CDH13: variants seen among roughly 807,000 people sequenced by gnomAD.
CDH13 encodes cadherin-13.
Under a neutral mutation model 63.8 loss-of-function variants are expected in CDH13, and 24 were observed. That is an observed-to-expected ratio of 0.38 (90% CI 0.27 to 0.53). CDH13 has a LOEUF of 0.53. CDH13 is among the 20% of genes least tolerant of loss of function. The probability of loss-of-function intolerance (pLI) is 0.85; values close to 1 mark genes in which losing one functional copy is unlikely to be tolerated. For synonymous variants in CDH13, 503 were observed against 355.3 expected (o/e 1.42, Z -4.67); for missense variants, 1,049 against 903.1 (o/e 1.16, Z -2.07).
intron 1 of CDH13, among the ~76,000 whole-genome samples, chr16:82,850,022 C>G (rs988671057): frequency 2.0e-5 from 3 of 152,200 alleles, no homozygotes; most frequent in Non-Finnish European, 4.4e-5. Context: ...GTTGTTTTCA[C>G]ACCTGCTAAT....
chr16:82,669,642 A>G (rs1913002027), intron 1 of CDH13, among the ~76,000 whole-genome samples: 1 of 152,268 alleles, frequency 6.6e-6, no homozygotes, highest in Admixed American at 6.5e-5. Context: ...ATGTAAAGCC[A>G]TCCCAATTAA....
At chr16:82,724,568 A>G (rs139837878) in intron 1 of CDH13, among the ~76,000 whole-genome samples, 3 of 152,340 alleles carry the variant, frequency 2.0e-5, no homozygotes, top group African/African-American at 4.8e-5. Flanking sequence ...GATGCCCTCA[A>G]ATGCCATGTC....
intron 1 of CDH13, among the ~76,000 whole-genome samples, chr16:82,726,569 C>G (rs1466463759): frequency 6.6e-6 from 1 of 152,182 alleles, no homozygotes; most frequent in Non-Finnish European, 1.5e-5. Context: ...CAGTCTGCAT[C>G]TGTTGCAGCT....
Position 83,479,912 on chromosome 16 carries a change from G to C in CDH13, c.782-6565G>C, listed in dbSNP as rs1007108919. On this transcript the variant is annotated intron_variant, in intron 6 of 13. Transcript: ENST00000567109. ...TTGTGATGGAGTGAGAGGGTGTCAA[G>C]TCGAATAAATGTCTGAAAATATTCT... Among the ~76,000 whole-genome samples, 9 of 152,164 alleles carry C rather than the reference G, an allele frequency of 5.9e-5. 1 individual carries two copies. Among genetic ancestry groups the C allele is most frequent in the African/African-American group, 2.2e-4 (9 of 41,422 alleles).
chr16:83,210,871 C>T (rs987986560), intron 4 of CDH13, among the ~76,000 whole-genome samples: 6 of 151,412 alleles, frequency 4.0e-5, no homozygotes, highest in Admixed American at 1.3e-4. Context: ...TACTAGAGGC[C>T]GGGCGTGGTG....
intron 2 of CDH13, among the ~76,000 whole-genome samples, chr16:82,921,591 T>A (rs1210417240): frequency 1.3e-5 from 2 of 152,224 alleles, no homozygotes; most frequent in African/African-American, 2.4e-5. Context: ...GGGCTCAGGA[T>A]CTGACATCTT....
Position 83,129,144 on chromosome 16 carries a change from G to A in CDH13, c.483+3643G>A, listed in dbSNP as rs533089793. ...GCTCTGCAGAGCTGTGGAAGAGGAC[G>A]TAGGTGTTTTCAGTGAGTGCTGGGG... On this transcript the variant is annotated intron_variant, in intron 4 of 13. Coordinates refer to ENST00000567109, the MANE Select transcript of CDH13 (RefSeq NM_001257.5). Among the ~76,000 whole-genome samples, 301 of 152,260 alleles carry A rather than the reference G, an allele frequency of 2.0e-3. 1 individual carries two copies. The highest frequency in any genetic ancestry group is 7.1e-3 in the African/African-American group (294 of 41,548).
At chr16:83,316,847 A>G (rs951105662) in intron 5 of CDH13, among the ~76,000 whole-genome samples, 2 of 151,098 alleles carry the variant, frequency 1.3e-5, no homozygotes, top group African/African-American at 2.4e-5. Context: ...TGTCTTCCAC[A>G]TGTATGTTGA....
At chr16:83,328,059 G>A (rs1233095765) in intron 5 of CDH13, among the ~76,000 whole-genome samples, 2 of 151,720 alleles carry the variant, frequency 1.3e-5, no homozygotes, top group Non-Finnish European at 2.9e-5. Flanking sequence ...CGTGGACCCA[G>A]GAGGCGGAGC....
intron 5 of CDH13, among the ~76,000 whole-genome samples, chr16:83,306,427 G>A (rs2089880442): frequency 6.6e-6 from 1 of 152,086 alleles, no homozygotes; most frequent in African/African-American, 2.4e-5. Context: ...TCATTCTTGT[G>A]GGGATGGATT....
chr16:83,514,312 G>C (rs1382961970), intron 7 of CDH13, among the ~76,000 whole-genome samples: 1 of 152,150 alleles, frequency 6.6e-6, no homozygotes, highest in East Asian at 1.9e-4. Context: ...GCTGGATTAG[G>C]GTAGGCCCTA....
At chr16:83,046,989 C>T (rs1917848499) in intron 3 of CDH13, among the ~76,000 whole-genome samples, 1 of 152,230 alleles carries the variant, frequency 6.6e-6, no homozygotes, top group Non-Finnish European at 1.5e-5. Context: ...CAGATGGTTT[C>T]CTCAACTGTC....
intron 8 of CDH13, among the ~76,000 whole-genome samples, chr16:83,620,371 C>A (rs1216920341): frequency 8.2e-6 from 1 of 121,616 alleles, no homozygotes; most frequent in Admixed American, 1.1e-4. Context: ...AACCTGTCGA[C>A]AGAGCGAGAC....
intron 2 of CDH13, among the ~76,000 whole-genome samples, chr16:82,994,526 G>C (rs1330397087): frequency 1.3e-5 from 2 of 152,126 alleles, no homozygotes; most frequent in African/African-American, 4.8e-5. Context: ...CTCAGCTAAT[G>C]GCCCCTTTGG....
chr16:83,761,130 A>G (rs780619730), intron 11 of CDH13, among the ~76,000 whole-genome samples: 2 of 152,194 alleles, frequency 1.3e-5, no homozygotes, highest in African/African-American at 4.8e-5. Flanking sequence ...GAGGATACAA[A>G]CTGTCAGATC....
At chr16:83,031,785 C>A in intron 2 of CDH13, among the ~76,000 whole-genome samples, 1 of 152,150 alleles carries the variant, frequency 6.6e-6, no homozygotes, top group East Asian at 1.9e-4. Context: ...GAGCTTAGCA[C>A]CTGCCTGGAA....
At position 83,105,876 on chromosome 16, in the gene CDH13, C is replaced by T. The variant is rs185970811; in HGVS notation, c.367-19509C>T. Among the ~76,000 whole-genome samples, 6 of 152,172 alleles carry T rather than the reference C, an allele frequency of 3.9e-5. No homozygotes were observed. In the East Asian group the frequency reaches 7.7e-4, roughly 20 times the overall value. On this transcript the variant is annotated intron_variant, in intron 3 of 13. Coordinates refer to ENST00000567109, the MANE Select transcript of CDH13 (RefSeq NM_001257.5). ...CAGGAGGGAGAAAGTAGTGAGTCAG[C>T]GAAGATGGTATCCCAGTTAGAGAAA...
chr16:82,808,448 A>G (rs972151147), intron 1 of CDH13, among the ~76,000 whole-genome samples: 14 of 152,156 alleles, frequency 9.2e-5, no homozygotes, highest in Non-Finnish European at 7.4e-5. Flanking sequence ...TCAGAGCTGA[A>G]TCCTTATAGG....
At chr16:83,431,985 C>T (rs1221584243) in intron 6 of CDH13, among the ~76,000 whole-genome samples, 1 of 152,088 alleles carries the variant, frequency 6.6e-6, no homozygotes, top group African/African-American at 2.4e-5. Flanking sequence ...TTTAATGGAT[C>T]CTTCTGGCCA....
Sources: allele counts gnomAD v4.1 joint callset (sites outside exome capture counted in the v4.1 genomes callset), GRCh38; gene constraint gnomAD v4.1.1; transcripts MANE v1.5; gene names NCBI Gene and HGNC (gene_info 2026-07-23, HGNC 2026-07-21).